Variants in USP9X observed in about 807,000 individuals in gnomAD.
USP9X encodes the protein ubiquitin carboxyl-terminal hydrolase 9X.
Under a neutral mutation model 190.3 loss-of-function variants are expected in USP9X, and 7 were observed. That is an observed-to-expected ratio of 0.04 (90% CI 0.02 to 0.07). The LOEUF (loss-of-function observed/expected upper bound fraction) is 0.07. Among genes scored for constraint, USP9X ranks in the 10% least tolerant of loss-of-function variants. The pLI, the probability that USP9X is intolerant of heterozygous loss-of-function variation, is 1.00. For synonymous variants in USP9X, 645 were observed against 659.5 expected (o/e 0.98, Z 0.34); for missense variants, 1,010 against 1,916.9 (o/e 0.53, Z 8.83).
At chrX:41,116,947 G>C (rs1279379248) in intron 1 of USP9X, among the ~76,000 whole-genome samples, 1 of 111,797 alleles carries the variant, frequency 8.9e-6, no homozygotes, top group East Asian at 2.8e-4. Context: ...CCTATTTCCT[G>C]CTCTTTATCT....
intron 32 of USP9X, among the ~76,000 whole-genome samples, chrX:41,206,953 G>C (rs2063103851): frequency 9.3e-6 from 1 of 107,620 alleles, no homozygotes. Flanking sequence ...GCCCGGCCAA[G>C]TTTTGTATTT....
chrX:41,129,210 T>G, intron 3 of USP9X, 65 bp downstream of exon 3: 3 of 1,070,723 alleles, frequency 2.8e-6, no homozygotes, highest in Non-Finnish European at 2.5e-6. Flanking sequence ...GCCTCCTTAA[T>G]AGTCTTTATA....
At chrX:41,142,137 G>T (rs1358426616) in intron 9 of USP9X, among the ~76,000 whole-genome samples, 2 of 110,830 alleles carry the variant, frequency 1.8e-5, no homozygotes, top group Non-Finnish European at 3.8e-5. Context: ...CTTAGATATT[G>T]CCCTGTGTTA....
At chrX:41,099,781 G>A (rs1265286910) in intron 1 of USP9X, among the ~76,000 whole-genome samples, 1 of 111,616 alleles carries the variant, frequency 9.0e-6, no homozygotes, top group Non-Finnish European at 1.9e-5. Flanking sequence ...GGTGGATCAC[G>A]AGGTCAGGAG....
chrX:41,105,692 T>A (rs2062064146), intron 1 of USP9X, among the ~76,000 whole-genome samples: 1 of 112,245 alleles, frequency 8.9e-6, no homozygotes, highest in Admixed American at 9.5e-5. Context: ...CATATGTAAA[T>A]TCTGTGTTTA....
chrX:41,167,321 T>A (rs2062686107), intron 16 of USP9X, 161 bp from the exon 17 acceptor site: 1 of 367,596 alleles, frequency 2.7e-6, no homozygotes, highest in East Asian at 5.2e-5. Context: ...CCCTTTCTTT[T>A]GGTCTGTGCT....
chrX:41,196,388 T>G, intron 27 of USP9X, 29 bp downstream of exon 27: 1 of 1,183,438 alleles, frequency 8.4e-7, no homozygotes, highest in South Asian at 1.8e-5. Context: ...TGCTTATCAA[T>G]GTGATTCATT....
At position 41,184,024 on chromosome X, in the gene USP9X, G is replaced by T. The variant is rs774649513; in HGVS notation, c.3175G>T (p.Ala1059Ser). Residue 1059 changes from alanine to serine, a missense_variant, in exon 22 of 45, where the codon GCT becomes TCT. Ala to Ser is a moderately conservative substitution (Grantham distance 99). This residue lies in a region of USP9X where 351 missense variants were observed against 480.8 expected (regional missense o/e 0.73). Transcript: ENST00000378308. ...PDSTTIEKLR[A>S]ICLDHAKLGE... ...TAGCACAACGATAGAAAAATTAAGA[G>T]CTATTTGTTTAGACCATGCCAAACT... is the stretch of plus-strand genomic sequence containing the variant. 3 of 1,200,593 alleles carry T rather than the reference G, an allele frequency of 2.5e-6. No homozygotes were observed. In the African/African-American group the frequency reaches 5.3e-5, roughly 21 times the overall value.
intron 1 of USP9X, among the ~76,000 whole-genome samples, chrX:41,100,917 G>A (rs944645998): frequency 1.8e-5 from 2 of 110,910 alleles, no homozygotes; most frequent in Non-Finnish European, 3.8e-5. Context: ...AAAGTGCTGG[G>A]ATTGCAGATG....
chrX:41,171,021 G>A (rs978143207), intron 20 of USP9X, among the ~76,000 whole-genome samples: 2 of 111,630 alleles, frequency 1.8e-5, no homozygotes, highest in African/African-American at 6.5e-5. Context: ...CATATACTTG[G>A]GTTTTGCTTG....
rs1447835030 is a variant in USP9X at position 41,183,991 on chromosome X, C to T, written c.3149-7C>T. On this transcript the variant is annotated splice_region_variant and splice_polypyrimidine_tract_variant and intron_variant, in intron 21 of 44. Transcript: ENST00000378308. ...ACATTTTCACACTGTCTCTTTTTTT[C>T]CTCCAGATAGCACAACGATAGAAAA... 8.4e-7 allele frequency: 1 copy of T among 1,188,313 alleles called. No individual in the cohort carries two copies. Among genetic ancestry groups the T allele is most frequent in the Non-Finnish European group, 1.1e-6 (1 of 886,697 alleles).
intron 34 of USP9X, among the ~76,000 whole-genome samples, chrX:41,214,927 G>A: frequency 8.9e-6 from 1 of 111,907 alleles, no homozygotes; most frequent in East Asian, 2.8e-4. Context: ...ATAAAAATAG[G>A]TAAATAAGAG....
rs2063391000 is a variant in USP9X, at chrX:41,235,088, G to A, written c.*2564G>A. 8.9e-6 allele frequency: 1 copy of A among 111,743 alleles called. No homozygotes were observed. Among genetic ancestry groups the A allele is most frequent in the Non-Finnish European group, 1.9e-5 (1 of 53,132 alleles). 9.2% of individuals were successfully genotyped at this position (111,743 alleles called of 1,213,427 possible). A position where few individuals can be genotyped will look rare whatever the true frequency, so the allele number is the denominator to read the frequency against. ...TAAAAGGCTGTGAATTTTTCTGCTT[G>A]GAGGAAGAGCCCAACCTTGGTTGCT... On this transcript the variant is annotated 3_prime_UTR_variant, in exon 45 of 45. Transcript: ENST00000378308.
In USP9X at chrX:41,085,680, G is replaced by T; in HGVS notation, c.-588G>T. ...TGCTTGGGTCGGCGCCGGGAGCGAG[G>T]AGCGAGCTACTTCAAAGCCACCAGG... is the stretch of plus-strand genomic sequence containing the variant. On this transcript the variant is annotated 5_prime_UTR_variant, in exon 1 of 45. Coordinates refer to ENST00000378308, the MANE Select transcript of USP9X (RefSeq NM_001039591.3). 1 of 296,374 alleles carries T rather than the reference G, an allele frequency of 3.4e-6. No individual in the cohort carries two copies. Among genetic ancestry groups the T allele is most frequent in the South Asian group, 2.1e-4 (1 of 4,697 alleles). The allele number at this position is 296,374 out of a possible 1,213,427, so 24.4% of individuals were successfully genotyped here.
chrX:41,142,272 G>A (rs2062429292), intron 9 of USP9X, among the ~76,000 whole-genome samples: 1 of 111,734 alleles, frequency 8.9e-6, no homozygotes, highest in African/African-American at 3.3e-5. Context: ...ACCAGTCCTA[G>A]ATAGGACAGA....
intron 1 of USP9X, among the ~76,000 whole-genome samples, chrX:41,114,602 C>T (rs2146965895): frequency 9.3e-6 from 1 of 107,748 alleles, no homozygotes; most frequent in African/African-American, 3.4e-5. Flanking sequence ...GCCTCAGCCT[C>T]CCTAGTAGCT....
intron 2 of USP9X, among the ~76,000 whole-genome samples, chrX:41,125,341 C>T (rs1398263010): frequency 9.2e-6 from 1 of 108,369 alleles, no homozygotes; most frequent in Admixed American, 9.8e-5. Flanking sequence ...TCCCAAAATG[C>T]TGGGATTACA....
intron 44 of USP9X, among the ~76,000 whole-genome samples, chrX:41,232,098 T>G (rs2063365058): frequency 8.9e-6 from 1 of 112,112 alleles, no homozygotes; most frequent in Non-Finnish European, 1.9e-5. Flanking sequence ...TTTGCCAGAC[T>G]TGAGTCTAAA....
chrX:41,099,036 C>T lies in USP9X; in HGVS notation c.-159+12927C>T, dbSNP rs1385459548. 6.5e-5 allele frequency among the ~76,000 whole-genome samples: 7 copies of T among 107,075 alleles called. No individual in the cohort carries two copies. The East Asian group carries it at 2.0e-3, about 31-fold the overall frequency. The allele number at this position is 107,075 out of a possible 115,157, so 93.0% of individuals were successfully genotyped here. On this transcript the variant is annotated intron_variant, in intron 1 of 44. Coordinates refer to ENST00000378308, the MANE Select transcript of USP9X (RefSeq NM_001039591.3). ...GTCCTTCCAGGCTCTAGCGATTCCT[C>T]CCACCTCTGCCTCTTGAGTAGCTGG...
Sources: gnomAD v4.1 joint callset for allele counts (sites outside exome capture counted in the v4.1 genomes callset) on GRCh38, gnomAD v4.1.1 for gene constraint, gnomAD v4.1.1 regional missense constraint, MANE v1.5 for transcripts, NCBI Gene and HGNC (gene_info 2026-07-23, HGNC 2026-07-21) for gene names.